The following AFDN variants were observed in gnomAD, a reference collection of about 807,000 sequenced individuals.
AFDN encodes afadin.
AFDN carries 68 observed loss-of-function variants against 216.6 expected under a neutral mutation model. The observed-to-expected ratio is 0.31, with a 90% CI of 0.26 to 0.38. The LOEUF is 0.38. Ranked by LOEUF, AFDN falls within the 10% of genes least tolerant of loss-of-function variation. The pLI is 1.00. For synonymous variants in AFDN, 868 were observed against 853.7 expected (o/e 1.02, Z -0.29); for missense variants, 2,136 against 2,342.0 (o/e 0.91, Z 1.82).
At chr6:167,832,136 A>G (rs1779895646) in intron 1 of AFDN, among the ~76,000 whole-genome samples, 1 of 152,242 alleles carries the variant, frequency 6.6e-6, no homozygotes. Context: ...CTTAAGACAG[A>G]GATCAAATGT....
In AFDN at chr6:167,848,962, G is replaced by C. The variant is rs577379440; in HGVS notation, c.106-15589G>C. ...TGTTTTCCACCCTTATTTTTATACA[G>C]CAGGATGAGACGCAGTGCCGCATAG... On this transcript the variant is annotated intron_variant, in intron 1 of 33. Transcript: ENST00000683244. 5.9e-5 allele frequency among the ~76,000 whole-genome samples: 9 copies of C among 152,260 alleles called. No homozygotes were observed. In the South Asian group the frequency reaches 1.7e-3, roughly 28 times the overall value.
chr6:167,878,534 G>A (rs558413655), intron 5 of AFDN, among the ~76,000 whole-genome samples: 19 of 152,088 alleles, frequency 1.2e-4, no homozygotes, highest in African/African-American at 3.6e-4. Flanking sequence ...ACATATGCAC[G>A]CAGACACAGT....
intron 23 of AFDN, among the ~76,000 whole-genome samples, chr6:167,939,767 A>C (rs1366155913): frequency 6.6e-6 from 1 of 152,218 alleles, no homozygotes. Context: ...CTGATTTAAC[A>C]AATAGGGGCG....
rs1797180971 is a variant in AFDN, at chr6:167,962,908, A to C, written c.4968+341A>C. On this transcript the variant is annotated intron_variant, in intron 31 of 33. Coordinates refer to ENST00000683244, the MANE Select transcript of AFDN (RefSeq NM_001386888.1). This position sits in a 1 kb window ranked among gnomAD's most constrained non-coding sequence, Gnocchi z 5.2. ...CCCAGCTTGTCATTGTGAAGGTGAC[A>C]TTGGTTCAGTGATTGCTTAAATGGC... The C allele has an allele frequency of 2.6e-6, 3 of 1,156,686 alleles. No individual in the cohort carries two copies. Among genetic ancestry groups the C allele is most frequent in the Non-Finnish European group, 3.2e-6 (3 of 932,864 alleles). The allele number at this position is 1,156,686 out of a possible 1,614,324, so 71.7% of individuals were successfully genotyped here. A position where few individuals can be genotyped will look rare whatever the true frequency, so the allele number is the denominator to read the frequency against.
In AFDN at chr6:167,889,309, A is replaced by T; in HGVS notation, c.992A>T (p.Glu331Val). ...DDECPLQIFREWPSDKGILVF... is the reference protein window; with the variant it reads ...DDECPLQIFRVWPSDKGILVF... ...GAGTGTCCTTTACAAATCTTCAGGG[A>T]ATGGCCAAGTGACAAAGGTAGTAAC... Residue 331 changes from glutamate (E) to valine (V), a missense_variant, in exon 7 of 34, where the codon GAA becomes GTA. By Grantham distance (121) the Glu-to-Val change is moderately radical (BLOSUM62 -2). This residue lies in a region of AFDN where 817 missense variants were observed against 965.7 expected (regional missense o/e 0.85). Transcript: ENST00000683244. 1 of 1,612,122 alleles carries T rather than the reference A, an allele frequency of 6.2e-7. No homozygotes were observed. Among genetic ancestry groups the T allele is most frequent in the Non-Finnish European group, 8.5e-7 (1 of 1,178,166 alleles).
chr6:167,914,386 A>G (rs563631644), intron 17 of AFDN, 73 bp downstream of exon 17: 1 of 1,549,272 alleles, frequency 6.5e-7, no homozygotes, highest in Non-Finnish European at 8.8e-7. Flanking sequence ...CAGTTTTCCA[A>G]ACTAATTTTA....
chr6:167,880,507 G>T lies in AFDN; in HGVS notation c.887G>T (p.Cys296Phe). ...GLEKENPKDYCIARVMLPPGA... is the reference protein window; with the variant it reads ...GLEKENPKDYFIARVMLPPGA... ...GAAAAAGAAAACCCTAAGGATTACT[G>T]CATCGCCCGGGTAAGGAACTTTATC... Residue 296 changes from cysteine to phenylalanine, a missense_variant, in exon 6 of 34, where the codon TGC (cysteine) becomes TTC (phenylalanine). Transcript: ENST00000683244. The T allele has an allele frequency of 6.2e-7, 1 of 1,613,498 alleles. No homozygotes were observed. Among genetic ancestry groups the T allele is most frequent in the Non-Finnish European group, 8.5e-7 (1 of 1,179,638 alleles).
intron 1 of AFDN, among the ~76,000 whole-genome samples, chr6:167,851,666 G>A (rs1562551951): frequency 6.6e-6 from 1 of 152,198 alleles, no homozygotes; most frequent in African/African-American, 2.4e-5. Flanking sequence ...GAACTCAAGT[G>A]TTTGGCACAG....
rs992293638 is a variant in AFDN at position 167,922,828 on chromosome 6, A to G, written c.2909-28A>G. On this transcript the variant is annotated intron_variant, in intron 21 of 33. Coordinates refer to ENST00000683244, the MANE Select transcript of AFDN (RefSeq NM_001386888.1). ...TTATCTTGACAAGATGTGCTTTTTC[A>G]CTTACAATTTGCTTGTTTCCTCCTT... 2.1e-6 allele frequency: 3 copies of G among 1,460,014 alleles called. No individual in the cohort carries two copies. In the African/African-American group the frequency reaches 4.2e-5, roughly 20 times the overall value. 90.4% of individuals were successfully genotyped at this position (1,460,014 alleles called of 1,614,324 possible).
At chr6:167,856,206 A>G (rs1782881141) in intron 1 of AFDN, among the ~76,000 whole-genome samples, 1 of 152,182 alleles carries the variant, frequency 6.6e-6, no homozygotes, top group South Asian at 2.1e-4. Flanking sequence ...ACAAAATGCA[A>G]GAGGGGTGAT....
At chr6:167,946,973 G>T in intron 27 of AFDN, 72 bp downstream of exon 27, 1 of 1,342,388 alleles carries the variant, frequency 7.4e-7, no homozygotes, top group Non-Finnish European at 1.0e-6. Context: ...GGCACTTTGT[G>T]GTTTGTTAAT....
intron 1 of AFDN, among the ~76,000 whole-genome samples, chr6:167,862,482 TCTC>T (rs1419044505): frequency 6.6e-6 from 1 of 152,130 alleles, no homozygotes; most frequent in African/African-American, 2.4e-5. Flanking sequence ...TTCAAGCAGT[TCTC>T]CTGCCTCAGC....
At chr6:167,864,439 A>G (rs2128227855) in intron 1 of AFDN, 112 bp from the exon 2 acceptor site, 1 of 1,015,124 alleles carries the variant, frequency 9.9e-7, no homozygotes, top group Non-Finnish European at 1.6e-6. Context: ...TCAGATGTTT[A>G]TGATGAAGCA....
At chr6:167,891,351 T>C (rs1039515191) in intron 8 of AFDN, among the ~76,000 whole-genome samples, 1 of 151,248 alleles carries the variant, frequency 6.6e-6, no homozygotes, top group African/African-American at 2.4e-5. Flanking sequence ...GTAAAATAGT[T>C]ACTCTACCAA....
Position 167,943,989 on chromosome 6 carries a change from A to G in AFDN, c.3288A>G (p.Val1096=). ...CAAGCTCTGTGGTGACACTGGAAGTAGCAAAGCAGGGTGCCATCTACCACG... is the reference window on the plus strand; with the variant it reads ...CAAGCTCTGTGGTGACACTGGAAGTGGCAAAGCAGGGTGCCATCTACCACG... ...TRTSSVVTLE[V]AKQGAIYHGL... is the part of the protein sequence containing the mutation. Residue 1096 remains valine, a synonymous_variant, in exon 26 of 34, where the codon GTA becomes GTG. Coordinates refer to ENST00000683244, the MANE Select transcript of AFDN (RefSeq NM_001386888.1). 2 of 1,614,224 alleles carry G rather than the reference A, an allele frequency of 1.2e-6. No homozygotes were observed. The highest frequency in any genetic ancestry group is 1.1e-5 in the South Asian group (1 of 91,080).
intron 12 of AFDN, among the ~76,000 whole-genome samples, chr6:167,903,258 G>A (rs1285146781): frequency 6.6e-6 from 1 of 152,250 alleles, no homozygotes; most frequent in Non-Finnish European, 1.5e-5. Flanking sequence ...CACCTGGGCA[G>A]TTTGTTTGCT....
chr6:167,888,296 AGAGTCTAAC>A (rs1787122924), intron 6 of AFDN, among the ~76,000 whole-genome samples: 1 of 152,240 alleles, frequency 6.6e-6, no homozygotes, highest in Admixed American at 6.5e-5. Flanking sequence ...GTTCTGTAGA[AGAGTCTAAC>A]CCATTTGGTA....
chr6:167,956,248 A>G (rs1029062214), intron 30 of AFDN, among the ~76,000 whole-genome samples: 4 of 152,030 alleles, frequency 2.6e-5, no homozygotes, highest in Non-Finnish European at 5.9e-5. Context: ...ATGTGACTAT[A>G]TAGGGAGTGA....
chr6:167,932,081 C>G (rs1793375886), intron 23 of AFDN, among the ~76,000 whole-genome samples: 1 of 152,180 alleles, frequency 6.6e-6, no homozygotes, highest in Non-Finnish European at 1.5e-5. Context: ...TTGTTAGTCT[C>G]ATGAGTGTGT....
Sources: gnomAD v4.1 joint callset for allele counts (sites outside exome capture counted in the v4.1 genomes callset) on GRCh38, gnomAD v4.1.1 for gene constraint, gnomAD v4.1.1 regional missense constraint, Gnocchi (gnomAD v3.1) non-coding constraint, MANE v1.5 for transcripts, NCBI Gene and HGNC (gene_info 2026-07-23, HGNC 2026-07-21) for gene names.